Variants in SEPTIN11 observed in about 807,000 individuals in gnomAD.
SEPTIN11 encodes septin-11.
A neutral mutation model predicts 51.4 loss-of-function variants in SEPTIN11; 25 were observed. That is an observed-to-expected ratio of 0.49 (90% CI 0.35 to 0.68). The LOEUF (loss-of-function observed/expected upper bound fraction) is 0.68, where lower values mean the gene tolerates loss of function less well. Among genes scored for constraint, SEPTIN11 ranks in the 30% least tolerant of loss-of-function variants. SEPTIN11 has a pLI of 0.00. For missense variants in SEPTIN11, 381 were observed against 520.8 expected (o/e 0.73, Z 2.61); for synonymous variants, 174 against 184.1 (o/e 0.95, Z 0.44).
chr4:77,009,626 T>C (rs1724721546), intron 3 of SEPTIN11, among the ~76,000 whole-genome samples: 1 of 152,216 alleles, frequency 6.6e-6, no homozygotes, highest in South Asian at 2.1e-4. Flanking sequence ...ATGAGTGTTG[T>C]TATGCTTCTC....
chr4:77,019,042 G>A, intron 5 of SEPTIN11, 123 bp from the exon 6 acceptor site: 2 of 835,692 alleles, frequency 2.4e-6, no homozygotes, highest in East Asian at 2.8e-5. Context: ...CCACCAAACT[G>A]CAGCCTGCTT....
rs78924297 is a variant in SEPTIN11 at position 76,955,751 on chromosome 4, A to G, written c.27+5821A>G. On this transcript the variant is annotated intron_variant, in intron 1 of 9. Transcript: ENST00000264893. ...ATTGAACCCTTAAAGAATAGAGGAAATGAAGACTGACAGAGGACACAGAGA... is the reference window on the plus strand; with the variant it reads ...ATTGAACCCTTAAAGAATAGAGGAAGTGAAGACTGACAGAGGACACAGAGA... 5.8e-3 allele frequency among the ~76,000 whole-genome samples: 889 copies of G among 152,340 alleles called. 6 individuals carry two copies. The highest frequency in any genetic ancestry group is 0.021 in the African/African-American group (857 of 41,566).
intron 1 of SEPTIN11, among the ~76,000 whole-genome samples, chr4:76,977,486 G>A (rs569587890): frequency 6.6e-6 from 1 of 152,276 alleles, no homozygotes; most frequent in Admixed American, 6.5e-5. Flanking sequence ...ACCAACTAAT[G>A]CCTAGCTCAG....
At chr4:77,008,445 G>C (rs961280396) in intron 3 of SEPTIN11, among the ~76,000 whole-genome samples, 3 of 152,176 alleles carry the variant, frequency 2.0e-5, no homozygotes, top group Admixed American at 6.5e-5. Context: ...TAAATTTTAA[G>C]TTTTTAATCA....
intron 3 of SEPTIN11, among the ~76,000 whole-genome samples, chr4:77,009,089 A>G (rs367730342): frequency 6.6e-6 from 1 of 152,240 alleles, no homozygotes; most frequent in South Asian, 2.1e-4. Flanking sequence ...GACATAGGGA[A>G]TAGTGGTTTT....
rs1318094434 is a variant in SEPTIN11 at position 76,999,123 on chromosome 4, G to A, written c.142+2584G>A. Among the ~76,000 whole-genome samples, 5 of 152,112 alleles carry A rather than the reference G, an allele frequency of 3.3e-5. No individual in the cohort carries two copies. The East Asian group carries it at 9.6e-4, about 29-fold the overall frequency. ...CAAGGAATCCTGGATATCCTTCGTT[G>A]TCAGCATATCTAACTCTCCAGGTCG... On this transcript the variant is annotated intron_variant, in intron 2 of 9. Transcript: ENST00000264893.
At chr4:76,988,841 G>T (rs748970652) in intron 1 of SEPTIN11, among the ~76,000 whole-genome samples, 5 of 152,236 alleles carry the variant, frequency 3.3e-5, no homozygotes, top group Non-Finnish European at 5.9e-5. Flanking sequence ...GAAATTAAAA[G>T]TTGAGGTGGA....
At chr4:76,977,569 T>G (rs1327144702) in intron 1 of SEPTIN11, among the ~76,000 whole-genome samples, 9 of 152,184 alleles carry the variant, frequency 5.9e-5, no homozygotes, top group African/African-American at 1.9e-4. Flanking sequence ...GACTTATTTT[T>G]AAATATAAGC....
intron 8 of SEPTIN11, among the ~76,000 whole-genome samples, chr4:77,030,457 GTACGA>G (rs1179268341): frequency 2.6e-5 from 4 of 151,752 alleles, no homozygotes; most frequent in Non-Finnish European, 5.9e-5. Flanking sequence ...GAGTGCAGTG[GTACGA>G]TCTCAGCTCA....
chr4:76,970,083 T>G (rs1722179654), intron 1 of SEPTIN11, among the ~76,000 whole-genome samples: 1 of 152,142 alleles, frequency 6.6e-6, no homozygotes, highest in African/African-American at 2.4e-5. Context: ...TCCTACAATC[T>G]CCATTAGGCT....
intron 7 of SEPTIN11, among the ~76,000 whole-genome samples, chr4:77,021,799 T>C (rs894124836): frequency 1.3e-5 from 2 of 152,192 alleles, no homozygotes; most frequent in African/African-American, 4.8e-5. Context: ...AGGGAGTTTA[T>C]TTTCTTGCAA....
At chr4:76,988,614 G>T (rs1723173734) in intron 1 of SEPTIN11, among the ~76,000 whole-genome samples, 1 of 152,178 alleles carries the variant, frequency 6.6e-6, no homozygotes, top group Non-Finnish European at 1.5e-5. Context: ...GCTTAAGCAA[G>T]ATCCTCCTGC....
intron 1 of SEPTIN11, among the ~76,000 whole-genome samples, chr4:76,950,327 C>T (rs1264428992): frequency 6.6e-6 from 1 of 152,180 alleles, no homozygotes; most frequent in Non-Finnish European, 1.5e-5. Context: ...AGGGGGCGCT[C>T]AGGGCATGGG....
chr4:77,038,541 G>A lies in SEPTIN11; in HGVS notation c.*4029G>A, dbSNP rs1265544954. On this transcript the variant is annotated 3_prime_UTR_variant, in exon 10 of 10. Transcript: ENST00000264893. ...GCATCTGTTAAGGTAGGAGAGTGGT[G>A]AACAGATAATCTATGCATATATCAC... is the stretch of plus-strand genomic sequence containing the variant. The A allele has an allele frequency of 1.0e-6, 1 of 986,388 alleles. No individual in the cohort carries two copies. Among genetic ancestry groups the A allele is most frequent in the Non-Finnish European group, 1.2e-6 (1 of 830,382 alleles). The allele number at this position is 986,388 out of a possible 1,614,324, so 61.1% of individuals were successfully genotyped here. A position where few individuals can be genotyped will look rare whatever the true frequency, so the allele number is the denominator to read the frequency against.
Position 77,034,704 on chromosome 4 carries a change from C to G in SEPTIN11, c.*192C>G. On this transcript the variant is annotated 3_prime_UTR_variant, in exon 10 of 10. Transcript: ENST00000264893. ...GAAAATGATAGAACAAGGGAATAAC[C>G]GCGAATGCTCTGTGCAGCTGGACTC... 2 of 1,306,680 alleles carry G rather than the reference C, an allele frequency of 1.5e-6. No homozygotes were observed. The highest frequency in any genetic ancestry group is 2.0e-6 in the Non-Finnish European group (2 of 1,025,534). 80.9% of individuals were successfully genotyped at this position (1,306,680 alleles called of 1,614,324 possible).
intron 1 of SEPTIN11, among the ~76,000 whole-genome samples, chr4:76,978,784 T>C (rs1722621532): frequency 6.6e-6 from 1 of 152,222 alleles, no homozygotes; most frequent in African/African-American, 2.4e-5. Flanking sequence ...CAAACACCCC[T>C]ACAACGTTTG....
Position 77,024,538 on chromosome 4 carries a change from C to T in SEPTIN11, c.953+3868C>T, listed in dbSNP as rs936587807. Among the ~76,000 whole-genome samples, 5 of 152,190 alleles carry T rather than the reference C, an allele frequency of 3.3e-5. No individual in the cohort carries two copies. The highest frequency in any genetic ancestry group is 7.3e-5 in the Non-Finnish European group (5 of 68,034). ...CTTCCTTTCTCCTGAGAGGCCACAG[C>T]GCTTTTCCTAACAGTACCTGCCCAA... On this transcript the variant is annotated intron_variant, in intron 7 of 9. Transcript: ENST00000264893. This position sits in a 1 kb window ranked among gnomAD's most constrained non-coding sequence, Gnocchi z 4.2.
chr4:76,953,379 T>C (rs1255583981), intron 1 of SEPTIN11, among the ~76,000 whole-genome samples: 1 of 152,244 alleles, frequency 6.6e-6, no homozygotes, highest in African/African-American at 2.4e-5. Flanking sequence ...TGCCTATTGC[T>C]GACTCAGCAA....
intron 1 of SEPTIN11, among the ~76,000 whole-genome samples, chr4:76,994,022 A>G (rs1018797512): frequency 7.2e-5 from 11 of 152,110 alleles, no homozygotes; most frequent in Non-Finnish European, 1.6e-4. Context: ...GGTATCTAAA[A>G]ACCCAGCGAT....
Sources: allele counts gnomAD v4.1 joint callset (sites outside exome capture counted in the v4.1 genomes callset), GRCh38; gene constraint gnomAD v4.1.1; non-coding constraint Gnocchi (gnomAD v3.1); transcripts MANE v1.5; gene names NCBI Gene and HGNC (gene_info 2026-07-23, HGNC 2026-07-21).